The following ARHGEF7 variants were observed in gnomAD, a reference collection of about 807,000 sequenced individuals.
ARHGEF7 encodes the protein Rho guanine nucleotide exchange factor 7.
A neutral mutation model predicts 109.8 loss-of-function variants in ARHGEF7; 33 were observed. The observed-to-expected ratio is 0.30, with a 90% CI of 0.23 to 0.40. The LOEUF is 0.40. Ranked by LOEUF, ARHGEF7 falls within the 10% of genes least tolerant of loss-of-function variation. The pLI is 1.00. For missense variants in ARHGEF7, 938 were observed against 1,098.5 expected (o/e 0.85, Z 2.07); for synonymous variants, 458 against 424.6 (o/e 1.08, Z -0.97).
intron 2 of ARHGEF7, among the ~76,000 whole-genome samples, chr13:111,166,523 G>C (rs960418888): frequency 6.6e-6 from 1 of 152,218 alleles, no homozygotes; most frequent in Non-Finnish European, 1.5e-5. Flanking sequence ...CCAGGTGATG[G>C]TGGCTGGAAC....
At chr13:111,244,170 A>G in intron 7 of ARHGEF7, 29 bp from the exon 8 acceptor site, 2 of 1,488,074 alleles carry the variant, frequency 1.3e-6, no homozygotes, top group Non-Finnish European at 1.9e-6. Context: ...CTGTTTACAT[A>G]TGTTTACTGT....
chr13:111,245,794 T>C (rs921137779), intron 8 of ARHGEF7, among the ~76,000 whole-genome samples: 2 of 152,246 alleles, frequency 1.3e-5, no homozygotes. Flanking sequence ...AATTTGCCTT[T>C]TGTCTAACAT....
intron 16 of ARHGEF7, among the ~76,000 whole-genome samples, chr13:111,285,046 A>G (rs1396099658): frequency 3.3e-5 from 5 of 152,292 alleles, no homozygotes; most frequent in Non-Finnish European, 4.4e-5. Flanking sequence ...TTTGAAGGCT[A>G]TTTTAGATTC....
chr13:111,164,257 C>T (rs1217138820), intron 2 of ARHGEF7, among the ~76,000 whole-genome samples: 3 of 152,190 alleles, frequency 2.0e-5, no homozygotes, highest in African/African-American at 4.8e-5. Flanking sequence ...AGTCACAGGT[C>T]CCGGCTCAGC....
chr13:111,162,799 A>G (rs1406609696), intron 2 of ARHGEF7, among the ~76,000 whole-genome samples: 1 of 152,246 alleles, frequency 6.6e-6, no homozygotes, highest in Admixed American at 6.5e-5. Flanking sequence ...ATAGTTAAAA[A>G]TATTAACACT....
rs1481812335 is a variant in ARHGEF7 at position 111,229,770 on chromosome 13, C to T, written c.671-3435C>T. Among the ~76,000 whole-genome samples, 3 of 152,050 alleles carry T rather than the reference C, an allele frequency of 2.0e-5. No homozygotes were observed. In the East Asian group the frequency reaches 5.8e-4, roughly 29 times the overall value. ...TAGGGGTTCCCGGAGACTTTTTTGTCCCAGGCAGGTACTGGTAGTCCTGCA... is the reference window on the plus strand; with the variant it reads ...TAGGGGTTCCCGGAGACTTTTTTGTTCCAGGCAGGTACTGGTAGTCCTGCA... On this transcript the variant is annotated intron_variant, in intron 5 of 21. Coordinates refer to ENST00000646102, the MANE Select transcript of ARHGEF7 (RefSeq NM_001354046.2).
intron 9 of ARHGEF7, 117 bp downstream of exon 9, chr13:111,267,787 A>C: frequency 7.8e-7 from 1 of 1,275,598 alleles, no homozygotes. Flanking sequence ...ATGAATTTTA[A>C]TTACCCCTCA....
intron 4 of ARHGEF7, among the ~76,000 whole-genome samples, chr13:111,212,352 G>A (rs1432534281): frequency 2.0e-5 from 3 of 152,116 alleles, no homozygotes; most frequent in South Asian, 2.1e-4. Context: ...GGCCTCGGTG[G>A]TGAAGAATGT....
At chr13:111,221,251 A>G (rs866146348) in intron 5 of ARHGEF7, among the ~76,000 whole-genome samples, 6 of 55,936 alleles carry the variant, frequency 1.1e-4, no homozygotes, top group Non-Finnish European at 2.0e-4. Context: ...ATGTCTATAT[A>G]TATCTATATA....
upstream of ARHGEF7, chr13:111,115,128 T>C (rs1419185069): frequency 6.8e-6 from 1 of 146,714 alleles, no homozygotes; most frequent in African/African-American, 2.5e-5. Context: ...CCTTCCCCTT[T>C]CCCTTCCCCG....
At position 111,162,829 on chromosome 13, in the gene ARHGEF7, GGGAACCAC is replaced by G. The variant is rs538447402; in HGVS notation, c.252+8839_252+8846del. 3.6e-4 allele frequency among the ~76,000 whole-genome samples: 55 copies of G among 152,266 alleles called. No homozygotes were observed. In the East Asian group the frequency reaches 0.01, roughly 29 times the overall value. On this transcript the variant is annotated intron_variant, in intron 2 of 21. Coordinates refer to ENST00000646102, the MANE Select transcript of ARHGEF7 (RefSeq NM_001354046.2). Reference sequence around the variant, plus strand: ...AACACTTTTGAAAGAATTAAAATGTGGGAACCACTTACTGAAACTCAAAACTTGTTGAT... The same window carrying G: ...AACACTTTTGAAAGAATTAAAATGTGTTACTGAAACTCAAAACTTGTTGAT...
chr13:111,165,431 C>T (rs561661607), intron 2 of ARHGEF7, among the ~76,000 whole-genome samples: 1 of 152,228 alleles, frequency 6.6e-6, no homozygotes, highest in African/African-American at 2.4e-5. Context: ...TCAGCAAGTA[C>T]TGGCAGCACT....
intron 2 of ARHGEF7, chr13:111,158,891 T>C: frequency 1.6e-6 from 1 of 611,888 alleles, no homozygotes; most frequent in Non-Finnish European, 3.0e-6. Context: ...AATCTAATCT[T>C]TTAGCAATTT....
intron 19 of ARHGEF7, among the ~76,000 whole-genome samples, chr13:111,295,714 G>A (rs1299332308): frequency 6.6e-6 from 1 of 152,160 alleles, no homozygotes; most frequent in Non-Finnish European, 1.5e-5. Context: ...AAGTAAATTA[G>A]ACCCTTAGAG....
At chr13:111,127,231 A>G (rs2067627918) in intron 1 of ARHGEF7, among the ~76,000 whole-genome samples, 1 of 152,260 alleles carries the variant, frequency 6.6e-6, no homozygotes, top group Admixed American at 6.5e-5. Flanking sequence ...TAATAACCCT[A>G]CATCTATTAC....
intron 8 of ARHGEF7, among the ~76,000 whole-genome samples, chr13:111,265,021 G>C (rs959751292): frequency 2.6e-5 from 4 of 151,526 alleles, no homozygotes; most frequent in African/African-American, 9.7e-5. Flanking sequence ...CTACTCGGGA[G>C]GCTGAGACAC....
intron 2 of ARHGEF7, among the ~76,000 whole-genome samples, chr13:111,171,434 A>G (rs116107608): frequency 2.8e-3 from 420 of 152,374 alleles, no homozygotes; most frequent in African/African-American, 9.8e-3. Flanking sequence ...AAAAAAATAA[A>G]GTGAAAAGCA....
chr13:111,142,545 A>C (rs1053389160), intron 1 of ARHGEF7, among the ~76,000 whole-genome samples: 3 of 152,214 alleles, frequency 2.0e-5, no homozygotes, highest in African/African-American at 7.2e-5. Context: ...TATTACTCAC[A>C]GATAATATGA....
In ARHGEF7 at chr13:111,199,609, T is replaced by C. The variant is rs142597711; in HGVS notation, c.253-5680T>C. ...GAGTCCTCCTTTTGTCAGGTGTTAGTTCAGGAGGTAAACTTAATAATAAAT... is the reference window on the plus strand; with the variant it reads ...GAGTCCTCCTTTTGTCAGGTGTTAGCTCAGGAGGTAAACTTAATAATAAAT... On this transcript the variant is annotated intron_variant, in intron 2 of 21. Transcript: ENST00000646102. Among the ~76,000 whole-genome samples, 4 of 152,298 alleles carry C rather than the reference T, an allele frequency of 2.6e-5. No homozygotes were observed. The East Asian group carries it at 7.7e-4, about 29-fold the overall frequency.
Sources: gnomAD v4.1 joint callset for allele counts (sites outside exome capture counted in the v4.1 genomes callset) on GRCh38, gnomAD v4.1.1 for gene constraint, MANE v1.5 for transcripts, NCBI Gene and HGNC (gene_info 2026-07-23, HGNC 2026-07-21) for gene names.